The following PABPC4L variants were observed in gnomAD, a reference collection of about 807,000 sequenced individuals.
PABPC4L encodes the protein poly(A) binding protein cytoplasmic 4 like.
For synonymous variants in PABPC4L, 169 were observed against 164.1 expected, an observed-to-expected ratio of 1.03 and a Z score of -0.23; for missense variants, 452 against 451.4, an observed-to-expected ratio of 1.00 and a Z score of -0.01.
chr4:134,178,881 GA>G, the PABPC4L span, among the ~76,000 whole-genome samples: 1 of 151,962 alleles, frequency 6.6e-6, no homozygotes, highest in Non-Finnish European at 1.5e-5. Context: ...AACATCTGAG[GA>G]AAAAAATGGG....
the PABPC4L span, among the ~76,000 whole-genome samples, chr4:134,074,293 A>G: frequency 6.6e-6 from 1 of 152,084 alleles, no homozygotes; most frequent in Non-Finnish European, 1.5e-5. Context: ...ATGAAGGGTG[A>G]TCTTTACTCT....
At chr4:133,990,924 C>G in the PABPC4L span, among the ~76,000 whole-genome samples, 1 of 152,082 alleles carries the variant, frequency 6.6e-6, no homozygotes, top group African/African-American at 2.4e-5. Context: ...AATCTTCCAG[C>G]CTTCCAAGAA....
chr4:134,012,270 C>T, the PABPC4L span, among the ~76,000 whole-genome samples: 124,407 of 152,108 alleles, frequency 0.82, 51,424 homozygotes, highest in East Asian at 1. Flanking sequence ...CACGTACACA[C>T]TCAGATGGCC....
At chr4:134,188,269 C>T in the PABPC4L span, among the ~76,000 whole-genome samples, 1 of 152,072 alleles carries the variant, frequency 6.6e-6, no homozygotes. Context: ...CCATAATGCC[C>T]AGTTCATGAT....
the PABPC4L span, among the ~76,000 whole-genome samples, chr4:134,143,508 G>T: frequency 6.7e-6 from 1 of 149,930 alleles, no homozygotes; most frequent in Non-Finnish European, 1.5e-5. Context: ...ATACTCATTT[G>T]GAATTTTAGG....
At chr4:134,146,075 A>G in the PABPC4L span, among the ~76,000 whole-genome samples, 6 of 151,882 alleles carry the variant, frequency 4.0e-5, no homozygotes, top group African/African-American at 1.5e-4. Flanking sequence ...AAATGCTTTT[A>G]TATTTGGATA....
the PABPC4L span, among the ~76,000 whole-genome samples, chr4:134,001,010 G>C: frequency 7.2e-5 from 11 of 152,040 alleles, no homozygotes; most frequent in South Asian, 1.7e-3. Context: ...TCTCCAATTT[G>C]TTCTATTACT....
the PABPC4L span, among the ~76,000 whole-genome samples, chr4:134,113,232 T>C: frequency 6.6e-6 from 1 of 151,882 alleles, no homozygotes; most frequent in Non-Finnish European, 1.5e-5. Flanking sequence ...AGATTAAATG[T>C]GCAATGTTTA....
chr4:134,192,539 CTCAA>C, downstream of PABPC4L, among the ~76,000 whole-genome samples: 1 of 152,128 alleles, frequency 6.6e-6, no homozygotes, highest in South Asian at 2.1e-4. Flanking sequence ...TGAATTATAT[CTCAA>C]TCAAAAAGAA....
At chr4:134,140,522 C>T in the PABPC4L span, among the ~76,000 whole-genome samples, 5 of 151,618 alleles carry the variant, frequency 3.3e-5, no homozygotes, top group African/African-American at 9.7e-5. Flanking sequence ...GTGTAGCACA[C>T]GATGATGGCT....
chr4:134,195,897 T>A (rs1243669581), downstream of PABPC4L, among the ~76,000 whole-genome samples: 2 of 151,718 alleles, frequency 1.3e-5, no homozygotes, highest in Non-Finnish European at 3.0e-5. Flanking sequence ...GATACATATA[T>A]GTCAAAAGTA....
chr4:134,154,620 T>G, the PABPC4L span, among the ~76,000 whole-genome samples: 1 of 152,096 alleles, frequency 6.6e-6, no homozygotes, highest in Non-Finnish European at 1.5e-5. Flanking sequence ...AACTTCACAT[T>G]TGGCTGGTAA....
the PABPC4L span, among the ~76,000 whole-genome samples, chr4:134,104,558 G>T: frequency 2.6e-5 from 4 of 151,628 alleles, no homozygotes; most frequent in African/African-American, 9.7e-5. Flanking sequence ...CCTGTTTGAG[G>T]CATCTCTCCC....
chr4:134,112,704 T>C, the PABPC4L span, among the ~76,000 whole-genome samples: 1 of 151,952 alleles, frequency 6.6e-6, no homozygotes, highest in Admixed American at 6.6e-5. Context: ...TATGTATATG[T>C]ATGTGCATGT....
the PABPC4L span, among the ~76,000 whole-genome samples, chr4:133,980,908 A>G: frequency 1.3e-5 from 2 of 152,250 alleles, no homozygotes; most frequent in African/African-American, 2.4e-5. Flanking sequence ...CTGTAATCCC[A>G]AAACTTTGGG....
At chr4:133,969,079 A>ATC in the PABPC4L span, among the ~76,000 whole-genome samples, 3 of 151,638 alleles carry the variant, frequency 2.0e-5, no homozygotes. Flanking sequence ...ATAAATTCAA[A>ATC]TCTCTCTCTC....
At chr4:134,146,194 C>A in the PABPC4L span, among the ~76,000 whole-genome samples, 1 of 151,728 alleles carries the variant, frequency 6.6e-6, no homozygotes, top group Non-Finnish European at 1.5e-5. Flanking sequence ...TATTAACATA[C>A]TAAATTTATT....
the PABPC4L span, among the ~76,000 whole-genome samples, chr4:134,067,890 G>A: frequency 6.6e-6 from 1 of 152,036 alleles, no homozygotes; most frequent in African/African-American, 2.4e-5. Context: ...GTCTGAGAGT[G>A]TAGTTTTTAT....
the PABPC4L span, among the ~76,000 whole-genome samples, chr4:134,075,223 T>C: frequency 6.6e-6 from 1 of 152,008 alleles, no homozygotes. Context: ...CACTTTAAGG[T>C]GATTTTAATT....
Sources: gnomAD v4.1 joint callset for allele counts (sites outside exome capture counted in the v4.1 genomes callset) on GRCh38, gnomAD v4.1.1 for gene constraint, MANE v1.5 for transcripts, NCBI Gene and HGNC (gene_info 2026-07-23, HGNC 2026-07-21) for gene names.